LRRCC1: variants seen among roughly 807,000 people sequenced by gnomAD.
LRRCC1 encodes the protein leucine rich repeat and coiled-coil centrosomal protein 1.
Under a neutral mutation model 126.0 loss-of-function variants are expected in LRRCC1, and 115 were observed. The observed-to-expected ratio is 0.91, with a 90% CI of 0.78 to 1.07. The LOEUF is 1.07. Among genes scored for constraint, LRRCC1 ranks in the 50% least tolerant of loss-of-function variants. The pLI is 0.00. For missense variants in LRRCC1, 1,172 were observed against 1,175.7 expected (o/e 1.00, Z 0.05); for synonymous variants, 400 against 393.4 (o/e 1.02, Z -0.20).
chr8:85,135,140 T>C, intron 13 of LRRCC1, 108 bp downstream of exon 13: 1 of 700,038 alleles, frequency 1.4e-6, no homozygotes, highest in Admixed American at 3.3e-5. Flanking sequence ...ATGATACTAA[T>C]TATATATTGC....
rs1331409279 is a variant in LRRCC1 at position 85,107,381 on chromosome 8, T to C, written c.86T>C (p.Met29Thr). 6.2e-7 allele frequency: 1 copy of C among 1,613,610 alleles called. No individual in the cohort carries two copies. Among genetic ancestry groups the C allele is most frequent in the Non-Finnish European group, 8.5e-7 (1 of 1,179,646 alleles). The stretch of plus-strand genomic sequence containing the variant: ...AGCAGCTGCGGGGATGTATGCTTCA[T>C]GGACAAAGGCTTGCAGAGGTAAAGG... ...GDSSCGDVCF[M>T]DKGLQSISEL... is the part of the protein sequence containing the mutation. Residue 29 changes from methionine (M) to threonine (T), a missense_variant, in exon 1 of 19, where the codon ATG becomes ACG. Physicochemically the swap from Met to Thr is moderately conservative, Grantham distance 81. Transcript: ENST00000360375.
intron 1 of LRRCC1, 75 bp from the exon 2 acceptor site, chr8:85,109,520 G>A (rs768098737): frequency 1.5e-5 from 12 of 794,416 alleles, no homozygotes; most frequent in East Asian, 1.3e-4. Flanking sequence ...TAGTATCTAC[G>A]TGCTGTTTGG....
chr8:85,145,397 A>C lies in LRRCC1; in HGVS notation c.2985A>C (p.Gln995His), dbSNP rs747455750. The C allele has an allele frequency of 6.5e-7, 1 of 1,541,028 alleles. No individual in the cohort carries two copies. The highest frequency in any genetic ancestry group is 1.3e-5 in the South Asian group (1 of 74,864). ...TTTACATGTCGATTTAGGTCCATCAAATTGAAAAAGAAATGCGTGAACTTT... is the reference window on the plus strand; with the variant it reads ...TTTACATGTCGATTTAGGTCCATCACATTGAAAAAGAAATGCGTGAACTTT... ...CIDSANLKVH[Q>H]IEKEMRELLE... Residue 995 changes from glutamine (Q) to histidine (H), a missense_variant, in exon 19 of 19, where the codon CAA becomes CAC. Gln to His is a conservative substitution (Grantham distance 24). Transcript: ENST00000360375.
At chr8:85,113,992 C>T (rs1276533994) in intron 4 of LRRCC1, among the ~76,000 whole-genome samples, 1 of 152,054 alleles carries the variant, frequency 6.6e-6, no homozygotes, top group Non-Finnish European at 1.5e-5. Flanking sequence ...TCATATGCAA[C>T]TATAAGAAGG....
chr8:85,122,113 C>A (rs537270520), intron 6 of LRRCC1, among the ~76,000 whole-genome samples: 1 of 152,128 alleles, frequency 6.6e-6, no homozygotes, highest in Admixed American at 6.5e-5. Context: ...GTTTTGATTG[C>A]AAAGTTAACA....
chr8:85,109,822 A>C (rs1438146059), intron 2 of LRRCC1, 22 bp downstream of exon 2: 15 of 1,303,266 alleles, frequency 1.2e-5, no homozygotes, highest in Non-Finnish European at 1.6e-5. Context: ...ATTTTCATTT[A>C]ACACTTAGCG....
At chr8:85,108,243 GCCAGATGATC>G (rs1415880154) in intron 1 of LRRCC1, among the ~76,000 whole-genome samples, 1 of 152,170 alleles carries the variant, frequency 6.6e-6, no homozygotes, top group Non-Finnish European at 1.5e-5. Context: ...TTTAAACTTT[GCCAGATGATC>G]CCAAGAAGAT....
In LRRCC1 at chr8:85,107,405, G is replaced by A. The variant is rs1808318463; in HGVS notation, c.104+6G>A. On this transcript the variant is annotated splice_donor_region_variant and intron_variant, in intron 1 of 18. Coordinates refer to ENST00000360375, the MANE Select transcript of LRRCC1 (RefSeq NM_033402.5). ...ATGGACAAAGGCTTGCAGAGGTAAA[G>A]GGCGCTCCGCAGCCAGGAGCGACCC... 2 of 1,603,118 alleles carry A rather than the reference G, an allele frequency of 1.2e-6. No homozygotes were observed. Among genetic ancestry groups the A allele is most frequent in the Middle Eastern group, 1.7e-4 (1 of 6,020 alleles).
intron 6 of LRRCC1, among the ~76,000 whole-genome samples, chr8:85,121,033 C>T (rs141199988): frequency 8.5e-5 from 13 of 152,312 alleles, no homozygotes; most frequent in African/African-American, 2.4e-4. Flanking sequence ...AAAGTAACTG[C>T]GCCATTTTAC....
chr8:85,129,418 C>T, intron 10 of LRRCC1, 39 bp downstream of exon 10: 1 of 1,486,724 alleles, frequency 6.7e-7, no homozygotes, highest in Non-Finnish European at 9.2e-7. Context: ...CACAGATTAA[C>T]ACAAATTCAT....
At position 85,107,409 on chromosome 8, in the gene LRRCC1, G is replaced by GC. The variant is rs1381207876; in HGVS notation, c.104+11dup. The GC allele has an allele frequency of 6.3e-7, 1 of 1,598,292 alleles. No individual in the cohort carries two copies. The highest frequency in any genetic ancestry group is 8.6e-7 in the Non-Finnish European group (1 of 1,169,358). ...ACAAAGGCTTGCAGAGGTAAAGGGC[G>GC]CTCCGCAGCCAGGAGCGACCCGCGC... is the stretch of plus-strand genomic sequence containing the variant. On this transcript the variant is annotated intron_variant, in intron 1 of 18. Transcript: ENST00000360375.
intron 15 of LRRCC1, 45 bp from the exon 16 acceptor site, chr8:85,137,990 G>A (rs1457657581): frequency 1.6e-5 from 15 of 910,524 alleles, no homozygotes; most frequent in Non-Finnish European, 2.3e-5. Context: ...AGAATATGAA[G>A]CATTTAAAGT....
At chr8:85,134,809 T>C (rs1306171938) in intron 12 of LRRCC1, 38 bp from the exon 13 acceptor site, 1 of 1,313,490 alleles carries the variant, frequency 7.6e-7, no homozygotes, top group African/African-American at 1.5e-5. Context: ...TCTAATTATT[T>C]GGAGAACTGC....
rs369130824 is a variant in LRRCC1, at chr8:85,138,333, A to G, written c.2703-5A>G. 1.8e-5 allele frequency: 29 copies of G among 1,598,964 alleles called. No homozygotes were observed. In the African/African-American group the frequency reaches 3.3e-4, roughly 18 times the overall value. ...ATTTATTTTTCAAATTACTTCTCAT[A>G]TTAGTACACTGAATCGGAAGTGGCA... On this transcript the variant is annotated splice_polypyrimidine_tract_variant and splice_region_variant and intron_variant, in intron 16 of 18. Transcript: ENST00000360375.
chr8:85,125,597 C>T (rs1195461396), intron 8 of LRRCC1, among the ~76,000 whole-genome samples: 4 of 130,212 alleles, frequency 3.1e-5, no homozygotes, highest in South Asian at 2.5e-4. Flanking sequence ...GGCGTGAACC[C>T]GGGAGGCGGA....
At chr8:85,137,288 A>G (rs1363581543) in intron 14 of LRRCC1, among the ~76,000 whole-genome samples, 176 bp from the exon 15 acceptor site, 1 of 152,188 alleles carries the variant, frequency 6.6e-6, no homozygotes, top group Admixed American at 6.6e-5. Flanking sequence ...AATAACCACA[A>G]GTGTTTAAGA....
intron 6 of LRRCC1, among the ~76,000 whole-genome samples, chr8:85,122,308 T>C (rs1474384045): frequency 1.3e-5 from 2 of 152,210 alleles, no homozygotes; most frequent in African/African-American, 4.8e-5. Flanking sequence ...TTTCACCTAA[T>C]TTGGGAAATT....
chr8:85,120,690 A>T (rs893085730), intron 6 of LRRCC1, among the ~76,000 whole-genome samples: 1 of 152,216 alleles, frequency 6.6e-6, no homozygotes, highest in African/African-American at 2.4e-5. Flanking sequence ...CATTTCATAT[A>T]AATGAAATCA....
intron 18 of LRRCC1, among the ~76,000 whole-genome samples, chr8:85,142,216 C>T (rs966577585): frequency 4.6e-5 from 7 of 152,054 alleles, no homozygotes; most frequent in Non-Finnish European, 1.0e-4. Context: ...ATGGCTTGAA[C>T]CCGGAGGTGG....
Sources: gnomAD v4.1 joint callset for allele counts (sites outside exome capture counted in the v4.1 genomes callset) on GRCh38, gnomAD v4.1.1 for gene constraint, MANE v1.5 for transcripts, NCBI Gene and HGNC (gene_info 2026-07-23, HGNC 2026-07-21) for gene names.